Variants in MAST4 observed in about 807,000 individuals in gnomAD.
MAST4 encodes microtubule-associated serine/threonine-protein kinase 4.
MAST4 carries 89 observed loss-of-function variants against 162.7 expected under a neutral mutation model. The ratio of observed to expected loss-of-function variants is 0.55; its 90% confidence interval spans 0.46 to 0.65. MAST4 has a LOEUF of 0.65. Ranked by LOEUF, MAST4 falls within the 30% of genes least tolerant of loss-of-function variation. The pLI is 0.00. For missense variants in MAST4, 3,153 were observed against 3,374.0 expected (o/e 0.93, Z 1.62); for synonymous variants, 1,479 against 1,361.1 (o/e 1.09, Z -1.91).
At chr5:66,967,272 T>C (rs553540077) in intron 4 of MAST4, among the ~76,000 whole-genome samples, 3 of 152,136 alleles carry the variant, frequency 2.0e-5, no homozygotes, top group African/African-American at 7.2e-5. Flanking sequence ...ATTCTTTTCA[T>C]AGTAAAACCC....
At chr5:66,788,601 C>CCCCCCCCCAACAAAAAAACAAAAAA in intron 2 of MAST4, 69 bp from the exon 3 acceptor site, 1 of 1,179,562 alleles carries the variant, frequency 8.5e-7, no homozygotes, top group Non-Finnish European at 1.2e-6. Flanking sequence ...ACCCCACCCC[C>CCCCCCCCCAACAAAAAAACAAAAAA]ACCCCCATTG....
chr5:67,102,537 C>G lies in MAST4; in HGVS notation c.1072C>G (p.Pro358Ala), dbSNP rs1380669049. The change falls in exon 9 of 29, where the codon CCT (proline) becomes GCT (alanine). Residue 358 changes from proline (P) to alanine (A), a missense_variant and splice_region_variant. By Grantham distance (27) the Pro-to-Ala change is conservative (BLOSUM62 -1). Transcript: ENST00000403625. ...AAGGGTAATTTGCTTTGCTTGCAGC[C>G]CTGGACGTTCTCCCGCCTGCTGTGA... ...PMRPRSRSLS[P>A]GRSPACCDHE... 1 of 1,613,766 alleles carries G rather than the reference C, an allele frequency of 6.2e-7. No homozygotes were observed. Among genetic ancestry groups the G allele is most frequent in the Admixed American group, 1.7e-5 (1 of 60,008 alleles).
At chr5:67,144,869 C>G in intron 22 of MAST4, 73 bp downstream of exon 22, 3 of 1,505,796 alleles carry the variant, frequency 2.0e-6, no homozygotes, top group Non-Finnish European at 2.7e-6. Context: ...TAGTGAGCAT[C>G]AGAATACCTG....
At chr5:66,697,984 A>C (rs1337458342) in intron 1 of MAST4, among the ~76,000 whole-genome samples, 1 of 151,912 alleles carries the variant, frequency 6.6e-6, no homozygotes, top group African/African-American at 2.4e-5. Flanking sequence ...ACATTCCATG[A>C]CCTAACCACC....
chr5:66,940,746 C>T (rs1023854594), intron 4 of MAST4, among the ~76,000 whole-genome samples: 9 of 152,092 alleles, frequency 5.9e-5, no homozygotes, highest in Non-Finnish European at 8.8e-5. Context: ...GTTTAGGTTG[C>T]TATTTTGACC....
chr5:66,784,563 C>A (rs1447269426), intron 2 of MAST4, among the ~76,000 whole-genome samples: 2 of 152,188 alleles, frequency 1.3e-5, no homozygotes, highest in Non-Finnish European at 2.9e-5. Context: ...ACCCACCCCT[C>A]ATTTTTTCTG....
chr5:67,020,933 T>C (rs1484837536), intron 4 of MAST4, among the ~76,000 whole-genome samples: 1 of 152,230 alleles, frequency 6.6e-6, no homozygotes, highest in East Asian at 1.9e-4. Flanking sequence ...CTCTTTGTGC[T>C]ACAATGACAG....
chr5:66,882,137 CCCTTTCCATTA>C (rs2149909466), intron 3 of MAST4, among the ~76,000 whole-genome samples: 1 of 152,254 alleles, frequency 6.6e-6, no homozygotes, highest in East Asian at 1.9e-4. Context: ...TATAGATACT[CCCTTTCCATTA>C]CCTCACATAC....
intron 3 of MAST4, among the ~76,000 whole-genome samples, chr5:66,885,201 T>C (rs1040323757): frequency 3.3e-5 from 5 of 152,122 alleles, no homozygotes; most frequent in Non-Finnish European, 4.4e-5. Context: ...CAGTGTGATA[T>C]GGTGCATCAC....
chr5:66,598,280 T>C (rs1742328929), intron 1 of MAST4, among the ~76,000 whole-genome samples: 2 of 152,326 alleles, frequency 1.3e-5, no homozygotes, highest in African/African-American at 4.8e-5. Flanking sequence ...GATAAGGGTC[T>C]GGAGGCCTGC....
At chr5:67,124,722 G>A (rs534949435) in intron 14 of MAST4, among the ~76,000 whole-genome samples, 7 of 152,216 alleles carry the variant, frequency 4.6e-5, no homozygotes, top group South Asian at 2.1e-4. Context: ...GGTTTAGGTC[G>A]GTTTTCCCAA....
chr5:67,028,857 G>T (rs1002183475), intron 4 of MAST4, among the ~76,000 whole-genome samples: 3 of 152,106 alleles, frequency 2.0e-5, no homozygotes, highest in Non-Finnish European at 4.4e-5. Flanking sequence ...CGCCGGGCAT[G>T]GTGACTTATG....
At chr5:66,927,295 A>G (rs531354889) in intron 4 of MAST4, among the ~76,000 whole-genome samples, 57 of 152,308 alleles carry the variant, frequency 3.7e-4, no homozygotes, top group African/African-American at 1.3e-3. Flanking sequence ...AGCAGTTGTA[A>G]TACCTCCAGA....
At chr5:66,781,682 C>T (rs936971435) in intron 2 of MAST4, among the ~76,000 whole-genome samples, 4 of 152,134 alleles carry the variant, frequency 2.6e-5, no homozygotes, top group African/African-American at 4.8e-5. Context: ...CCAGAAGTCA[C>T]GTCAAGAGAG....
intron 17 of MAST4, 42 bp from the exon 18 acceptor site, chr5:67,134,481 G>T: frequency 6.4e-7 from 1 of 1,568,524 alleles, no homozygotes; most frequent in African/African-American, 1.4e-5. Flanking sequence ...TTTAATTCAT[G>T]TCTAATATTC....
At chr5:67,074,030 A>G (rs2150683055) in intron 5 of MAST4, among the ~76,000 whole-genome samples, 1 of 152,318 alleles carries the variant, frequency 6.6e-6, no homozygotes, top group East Asian at 1.9e-4. Context: ...TACACTAACA[A>G]ATAACTTAGG....
chr5:66,821,832 A>G (rs111810689), intron 3 of MAST4, among the ~76,000 whole-genome samples: 6,058 of 152,162 alleles, frequency 0.04, 362 homozygotes, highest in African/African-American at 0.14. Flanking sequence ...GAAGCCAGGA[A>G]GGTAGCTGAG....
At chr5:67,049,077 A>C (rs1561576857) in intron 4 of MAST4, among the ~76,000 whole-genome samples, 1 of 143,040 alleles carries the variant, frequency 7.0e-6, no homozygotes, top group Non-Finnish European at 1.5e-5. Context: ...ATATATATAT[A>C]TACACTACCA....
At chr5:66,890,200 C>G (rs1762281500) in intron 3 of MAST4, among the ~76,000 whole-genome samples, 1 of 152,064 alleles carries the variant, frequency 6.6e-6, no homozygotes. Context: ...AAGCTATTAA[C>G]CTTGATATAA....
Sources: gnomAD v4.1 joint callset for allele counts (sites outside exome capture counted in the v4.1 genomes callset) on GRCh38, gnomAD v4.1.1 for gene constraint, MANE v1.5 for transcripts, NCBI Gene and HGNC (gene_info 2026-07-23, HGNC 2026-07-21) for gene names.